DCC: variants seen among roughly 807,000 people sequenced by gnomAD.
DCC encodes the protein netrin receptor DCC.
DCC carries 58 observed loss-of-function variants against 172.5 expected under a neutral mutation model. That is an observed-to-expected ratio of 0.34 (90% CI 0.27 to 0.42). DCC has a LOEUF of 0.42. DCC is among the 10% of genes least tolerant of loss of function. The pLI is 1.00. For synonymous variants in DCC, 709 were observed against 644.5 expected, an observed-to-expected ratio of 1.10 and a Z score of -1.52; for missense variants, 1,740 against 1,791.0, an observed-to-expected ratio of 0.97 and a Z score of 0.51.
intron 9 of DCC, among the ~76,000 whole-genome samples, chr18:53,192,387 A>G (rs7232543): frequency 0.37 from 56,568 of 151,988 alleles, 11,318 homozygotes; most frequent in Non-Finnish European, 0.45. Context: ...AAATTCCTCA[A>G]TGTACATATA....
intron 1 of DCC, among the ~76,000 whole-genome samples, chr18:52,617,413 TA>T (rs1250684275): frequency 6.6e-6 from 1 of 152,058 alleles, no homozygotes; most frequent in African/African-American, 2.4e-5. Context: ...AGGAATGGGA[TA>T]GGGGCTTCGT....
chr18:52,871,851 A>C (rs1471471336), intron 2 of DCC, among the ~76,000 whole-genome samples: 2 of 152,174 alleles, frequency 1.3e-5, no homozygotes, highest in Non-Finnish European at 2.9e-5. Flanking sequence ...TAATCACTCA[A>C]ATTCTTTTCT....
At chr18:53,519,596 G>T (rs1011936324) in intron 27 of DCC, among the ~76,000 whole-genome samples, 5 of 151,174 alleles carry the variant, frequency 3.3e-5, no homozygotes, top group Non-Finnish European at 4.4e-5. Flanking sequence ...CCCAGAGGAT[G>T]CTGACTCCAA....
chr18:53,182,348 A>AT (rs1445235331), intron 9 of DCC, among the ~76,000 whole-genome samples: 1 of 152,200 alleles, frequency 6.6e-6, no homozygotes, highest in Non-Finnish European at 1.5e-5. Flanking sequence ...TCTTACCAGT[A>AT]TATGGAATAA....
chr18:53,081,073 A>G (rs1442397615), intron 7 of DCC, among the ~76,000 whole-genome samples: 1 of 152,088 alleles, frequency 6.6e-6, no homozygotes, highest in African/African-American at 2.4e-5. Flanking sequence ...TATTGATTTG[A>G]TTAATCCTTA....
intron 1 of DCC, among the ~76,000 whole-genome samples, chr18:52,357,936 TAAAAA>T (rs59238295): frequency 1.8e-4 from 22 of 123,414 alleles, no homozygotes; most frequent in African/African-American, 2.8e-4. Context: ...AGACTCTGTG[TAAAAA>T]AAAAAAAAAA....
intron 2 of DCC, among the ~76,000 whole-genome samples, chr18:52,762,579 T>C (rs1239331592): frequency 3.3e-5 from 5 of 152,096 alleles, no homozygotes. Flanking sequence ...ATCCCAACAC[T>C]TTGGGAGGCT....
Position 53,206,365 on chromosome 18 carries a change from A to G in DCC, c.1722+1001A>G, listed in dbSNP as rs188704055. 5.6e-3 allele frequency among the ~76,000 whole-genome samples: 219 copies of G among 39,100 alleles called. 14 individuals are homozygous for G. Among genetic ancestry groups the G allele is most frequent in the Admixed American group, 0.012 (47 of 3,960 alleles). 25.7% of individuals were successfully genotyped at this position (39,100 alleles called of 152,430 possible). On this transcript the variant is annotated intron_variant, in intron 10 of 28. Transcript: ENST00000442544. ...TATATATGTATATATACATATATGTATTGTAACACATATATGTATATATGT... is the reference window on the plus strand; with the variant it reads ...TATATATGTATATATACATATATGTGTTGTAACACATATATGTATATATGT...
At chr18:52,434,980 A>G (rs1987744234) in intron 1 of DCC, among the ~76,000 whole-genome samples, 1 of 152,188 alleles carries the variant, frequency 6.6e-6, no homozygotes, top group African/African-American at 2.4e-5. Flanking sequence ...GCGAGTAATC[A>G]TAGTGCCTCA....
chr18:53,316,174 C>A (rs1416269003), intron 13 of DCC, among the ~76,000 whole-genome samples: 1 of 152,154 alleles, frequency 6.6e-6, no homozygotes, highest in Non-Finnish European at 1.5e-5. Flanking sequence ...TTGCATATGG[C>A]TAGCCAGTTT....
At chr18:53,461,200 G>A (rs1442362733) in intron 24 of DCC, among the ~76,000 whole-genome samples, 5 of 151,932 alleles carry the variant, frequency 3.3e-5, no homozygotes, top group Non-Finnish European at 7.4e-5. Context: ...CAGATGAGTA[G>A]GTTGCAAAAA....
chr18:52,380,168 A>G (rs2144321856), intron 1 of DCC, among the ~76,000 whole-genome samples: 1 of 152,206 alleles, frequency 6.6e-6, no homozygotes, highest in East Asian at 1.9e-4. Context: ...AGGATCCCTC[A>G]TGACCTAGTC....
chr18:52,854,507 C>A (rs1321356676), intron 2 of DCC, among the ~76,000 whole-genome samples: 1 of 152,144 alleles, frequency 6.6e-6, no homozygotes, highest in African/African-American at 2.4e-5. Flanking sequence ...TTCCCTCTCT[C>A]CATGTTTTCC....
At chr18:53,461,968 T>C (rs1168569314) in intron 24 of DCC, among the ~76,000 whole-genome samples, 1 of 152,242 alleles carries the variant, frequency 6.6e-6, no homozygotes, top group African/African-American at 2.4e-5. Context: ...GAACAAAGTC[T>C]GTTTCAGAAA....
chr18:52,758,434 G>A (rs1568085061), intron 2 of DCC, among the ~76,000 whole-genome samples: 2 of 152,038 alleles, frequency 1.3e-5, no homozygotes, highest in Non-Finnish European at 2.9e-5. Context: ...AGATGTTCAA[G>A]ATGCAAATTG....
chr18:52,767,215 T>C (rs952920476), intron 2 of DCC, among the ~76,000 whole-genome samples: 3 of 151,810 alleles, frequency 2.0e-5, no homozygotes. Flanking sequence ...AAATAATGAC[T>C]GTGCTAGAAA....
intron 1 of DCC, among the ~76,000 whole-genome samples, chr18:52,486,439 C>T (rs537784379): frequency 4.6e-5 from 7 of 152,238 alleles, no homozygotes; most frequent in African/African-American, 1.4e-4. Context: ...ACTGATTTCA[C>T]AAAATAGAAA....
chr18:52,608,474 AAGG>A (rs1315256178), intron 1 of DCC, among the ~76,000 whole-genome samples: 4 of 152,200 alleles, frequency 2.6e-5, no homozygotes, highest in African/African-American at 9.6e-5. Context: ...CTAAAGAAAG[AAGG>A]AGATTTATCC....
intron 12 of DCC, among the ~76,000 whole-genome samples, chr18:53,233,011 G>A (rs545519804): frequency 1.3e-4 from 19 of 151,328 alleles, no homozygotes; most frequent in Admixed American, 1.3e-3. Context: ...GGTTGATCAA[G>A]TGACTAACCA....
Sources: allele counts gnomAD v4.1 joint callset (sites outside exome capture counted in the v4.1 genomes callset), GRCh38; gene constraint gnomAD v4.1.1; transcripts MANE v1.5; gene names NCBI Gene and HGNC (gene_info 2026-07-23, HGNC 2026-07-21).